Variants in MYOCD observed in about 807,000 individuals in gnomAD.
MYOCD encodes myocardin.
MYOCD carries 32 observed loss-of-function variants against 96.1 expected under a neutral mutation model. The ratio of observed to expected loss-of-function variants is 0.33; its 90% CI spans 0.25 to 0.45. MYOCD has a LOEUF of 0.45. MYOCD is among the 20% of genes least tolerant of loss of function. The probability of loss-of-function intolerance (pLI) is 1.00; values close to 1 mark genes in which losing one functional copy is unlikely to be tolerated. For missense variants in MYOCD, 1,133 were observed against 1,200.6 expected (o/e 0.94, Z 0.83); for synonymous variants, 469 against 469.0 (o/e 1.00, Z 0.00).
chr17:12,671,140 T>G (rs1048752455), intron 1 of MYOCD, among the ~76,000 whole-genome samples: 15 of 152,254 alleles, frequency 9.9e-5, no homozygotes, highest in African/African-American at 3.4e-4. Flanking sequence ...TTATTCGTGT[T>G]TGGTTTTTAC....
intron 6 of MYOCD, among the ~76,000 whole-genome samples, chr17:12,737,549 A>G (rs1015372002): frequency 1.3e-5 from 2 of 152,156 alleles, no homozygotes; most frequent in African/African-American, 4.8e-5. Context: ...GCATCCACAT[A>G]TGAGGGGAAG....
chr17:12,706,400 A>G (rs1235612291), intron 2 of MYOCD, among the ~76,000 whole-genome samples: 1 of 152,212 alleles, frequency 6.6e-6, no homozygotes, highest in Non-Finnish European at 1.5e-5. Context: ...GAAGAAACCA[A>G]AGGTCTGCGG....
chr17:12,740,300 C>T (rs889351562), intron 7 of MYOCD, among the ~76,000 whole-genome samples: 5 of 152,122 alleles, frequency 3.3e-5, no homozygotes, highest in South Asian at 2.1e-4. Context: ...GTACACAATA[C>T]GGAATCTTTT....
At position 12,758,087 on chromosome 17, in the gene MYOCD, G is replaced by A; in HGVS notation, c.2205G>A (p.Met735Ile). ...TTCTTCATATTTTACCCATGCAGAT[G>A]GCTGGTTTACACTCTTCTGATAAGG... ...CPKSPCVQQK[M>I]AGLHSSDKVG... is the part of the protein sequence containing the mutation. Residue 735 changes from methionine to isoleucine, a missense_variant and splice_region_variant, in exon 12 of 14, where the codon ATG becomes ATA. Physicochemically the swap from Met to Ile is conservative, Grantham distance 10. Transcript: ENST00000425538. 2 of 1,610,334 alleles carry A rather than the reference G, an allele frequency of 1.2e-6. No individual in the cohort carries two copies. The highest frequency in any genetic ancestry group is 1.7e-6 in the Non-Finnish European group (2 of 1,176,648).
At chr17:12,756,302 G>C in intron 10 of MYOCD, 112 bp from the exon 11 acceptor site, 1 of 1,252,858 alleles carries the variant, frequency 8.0e-7, no homozygotes, top group Non-Finnish European at 1.1e-6. Flanking sequence ...AATTTAGGAA[G>C]GTTTGTAAAA....
chr17:12,703,692 T>A (rs1384441870), intron 1 of MYOCD, among the ~76,000 whole-genome samples: 1 of 152,162 alleles, frequency 6.6e-6, no homozygotes, highest in Non-Finnish European at 1.5e-5. Flanking sequence ...GTCACACGAA[T>A]CCCTGAGGCT....
At chr17:12,717,530 G>A (rs1259303221) in intron 4 of MYOCD, 109 bp downstream of exon 4, 9 of 880,514 alleles carry the variant, frequency 1.0e-5, no homozygotes, top group African/African-American at 1.7e-5. Context: ...AATCTCCCTT[G>A]CCGTTACAAA....
chr17:12,724,402 A>G (rs975627122), intron 5 of MYOCD, among the ~76,000 whole-genome samples: 1 of 152,170 alleles, frequency 6.6e-6, no homozygotes, highest in African/African-American at 2.4e-5. Flanking sequence ...AAGAAAGCTG[A>G]GCATGTTCTC....
rs913511042 is a variant in MYOCD, at chr17:12,666,099, A to C, written c.-90A>C. The C allele has an allele frequency of 1.1e-5, 10 of 910,174 alleles. No homozygotes were observed. In the Admixed American group the frequency reaches 1.7e-4, roughly 15 times the overall value. The allele number at this position is 910,174 out of a possible 1,614,324, so 56.4% of individuals were successfully genotyped here. On this transcript the variant is annotated 5_prime_UTR_variant, in exon 1 of 14. Coordinates refer to ENST00000425538, the MANE Select transcript of MYOCD (RefSeq NM_001146312.3). ...AGAGTTGGATGAATTCTGGGTTGTTAGCTGCGGTCAGCTGGGCTCCCGGGA... is the reference window on the plus strand; with the variant it reads ...AGAGTTGGATGAATTCTGGGTTGTTCGCTGCGGTCAGCTGGGCTCCCGGGA...
intron 7 of MYOCD, among the ~76,000 whole-genome samples, chr17:12,742,976 A>AT (rs1262627608): frequency 2.0e-5 from 3 of 152,176 alleles, no homozygotes; most frequent in Admixed American, 1.3e-4. Context: ...TTACCTGTTC[A>AT]TTGACTACCT....
chr17:12,763,704 G>A lies in MYOCD; in HGVS notation c.*60G>A. ...GGAGTTCCATGGGGGAAAGCACACA[G>A]CCATACATACTTTACTGTCCAAAAA... On this transcript the variant is annotated 3_prime_UTR_variant, in exon 14 of 14. Coordinates refer to ENST00000425538, the MANE Select transcript of MYOCD (RefSeq NM_001146312.3). The A allele has an allele frequency of 1.4e-6, 2 of 1,406,094 alleles. No individual in the cohort carries two copies. The highest frequency in any genetic ancestry group is 2.3e-5 in the East Asian group (1 of 43,430). The allele number at this position is 1,406,094 out of a possible 1,614,324, so 87.1% of individuals were successfully genotyped here.
At chr17:12,698,367 T>C (rs2030881244) in intron 1 of MYOCD, among the ~76,000 whole-genome samples, 1 of 152,198 alleles carries the variant, frequency 6.6e-6, no homozygotes, top group South Asian at 2.1e-4. Context: ...CATTTTTGCA[T>C]ACAGCATCAG....
chr17:12,713,285 G>T (rs913743029), intron 2 of MYOCD, among the ~76,000 whole-genome samples: 1 of 152,166 alleles, frequency 6.6e-6, no homozygotes, highest in African/African-American at 2.4e-5. Flanking sequence ...GTGATGAATT[G>T]TAGTTCTACG....
chr17:12,751,219 G>A (rs1194241898), intron 9 of MYOCD, among the ~76,000 whole-genome samples: 9 of 151,786 alleles, frequency 5.9e-5, no homozygotes, highest in African/African-American at 1.5e-4. Context: ...AAGGAGAACC[G>A]TTGTTAACAT....
At chr17:12,748,174 A>C (rs904851548) in intron 9 of MYOCD, among the ~76,000 whole-genome samples, 11 of 150,248 alleles carry the variant, frequency 7.3e-5, no homozygotes, top group East Asian at 3.9e-4. Context: ...AAAAAAAAAA[A>C]AAAACAAAAA....
At chr17:12,752,319 T>TCC in intron 9 of MYOCD, 95 bp from the exon 10 acceptor site, 1 of 1,087,476 alleles carries the variant, frequency 9.2e-7, no homozygotes, top group Non-Finnish European at 1.3e-6. Context: ...ATTGTAGAAT[T>TCC]CCATTTGTGA....
intron 1 of MYOCD, among the ~76,000 whole-genome samples, chr17:12,696,802 C>T (rs2030772936): frequency 6.6e-6 from 1 of 152,162 alleles, no homozygotes; most frequent in Admixed American, 6.5e-5. Flanking sequence ...ACGCTAACAT[C>T]GTGCCCTTGC....
At position 12,704,864 on chromosome 17, in the gene MYOCD, G is replaced by A. The variant is rs555528930; in HGVS notation, c.56-264G>A. 1.5e-5 allele frequency: 6 copies of A among 399,582 alleles called. No homozygotes were observed. The Admixed American group carries it at 2.6e-4, about 17-fold the overall frequency. The allele number at this position is 399,582 out of a possible 1,614,324, so 24.8% of individuals were successfully genotyped here. On this transcript the variant is annotated intron_variant, in intron 1 of 13. Transcript: ENST00000425538. ...GACAGAGTGTAGAGAGAGAGAGCAT[G>A]GCACTGCGAAAATAACAATCACTTC...
At chr17:12,702,769 T>C (rs112567088) in intron 1 of MYOCD, among the ~76,000 whole-genome samples, 1,881 of 152,098 alleles carry the variant, frequency 0.012, 45 homozygotes, top group African/African-American at 0.043. Flanking sequence ...GTTAGTATTA[T>C]ACCACTACAT....
Sources: allele counts gnomAD v4.1 joint callset (sites outside exome capture counted in the v4.1 genomes callset), GRCh38; gene constraint gnomAD v4.1.1; transcripts MANE v1.5; gene names NCBI Gene and HGNC (gene_info 2026-07-23, HGNC 2026-07-21).